The following SPAG16 variants were observed in gnomAD, a reference collection of about 807,000 sequenced individuals.
SPAG16 encodes the protein sperm associated antigen 16.
In SPAG16, 86 loss-of-function variants were observed where a neutral mutation model predicts 80.4. The ratio of observed to expected loss-of-function variants is 1.07; its 90% confidence interval spans 0.90 to 1.28. The LOEUF (loss-of-function observed/expected upper bound fraction) is 1.28. Ranked by LOEUF, SPAG16 falls within the 50% of genes most tolerant of loss-of-function variation. SPAG16 has a pLI of 0.00. For missense variants in SPAG16, 870 were observed against 765.3 expected (o/e 1.14, Z -1.61); for synonymous variants, 294 against 265.9 (o/e 1.11, Z -1.03).
chr2:214,089,526 G>T (rs987172709), intron 13 of SPAG16, among the ~76,000 whole-genome samples: 1 of 151,936 alleles, frequency 6.6e-6, no homozygotes, highest in Non-Finnish European at 1.5e-5. Context: ...TTTCTCTACA[G>T]TGTTTCTAAG....
chr2:214,276,486 C>T (rs1296167227), intron 15 of SPAG16, among the ~76,000 whole-genome samples: 3 of 152,146 alleles, frequency 2.0e-5, no homozygotes, highest in Non-Finnish European at 4.4e-5. Flanking sequence ...TTAAGGCAGG[C>T]CTGGTGGTGA....
chr2:213,702,445 T>A (rs1292584407), intron 10 of SPAG16, among the ~76,000 whole-genome samples: 1 of 152,194 alleles, frequency 6.6e-6, no homozygotes, highest in Non-Finnish European at 1.5e-5. Context: ...CACCTTCACT[T>A]CTGAGGCCAG....
At chr2:213,929,930 C>T (rs762326075) in intron 11 of SPAG16, 30 bp from the exon 12 acceptor site, 1 of 1,588,746 alleles carries the variant, frequency 6.3e-7, no homozygotes, top group African/African-American at 1.4e-5. Context: ...ACTTTTTAAA[C>T]AAGCTGTCTT....
chr2:213,801,530 C>A (rs1298480993), intron 10 of SPAG16, among the ~76,000 whole-genome samples: 2 of 152,190 alleles, frequency 1.3e-5, no homozygotes, highest in East Asian at 3.8e-4. Flanking sequence ...CACAATGAGG[C>A]ACAGATCTTT....
chr2:213,426,628 T>C (rs1011340571), intron 9 of SPAG16, among the ~76,000 whole-genome samples: 1 of 152,022 alleles, frequency 6.6e-6, no homozygotes, highest in African/African-American at 2.4e-5. Context: ...GTTTTAATTC[T>C]TATTTTTGCT....
intron 15 of SPAG16, among the ~76,000 whole-genome samples, chr2:214,355,881 G>T (rs1297428405): frequency 6.6e-6 from 1 of 151,036 alleles, no homozygotes; most frequent in African/African-American, 2.4e-5. Context: ...TAGGGACATG[G>T]ATGAAATTGG....
At chr2:213,501,666 A>C (rs1190334527) in intron 10 of SPAG16, among the ~76,000 whole-genome samples, 1 of 152,158 alleles carries the variant, frequency 6.6e-6, no homozygotes, top group Non-Finnish European at 1.5e-5. Flanking sequence ...TTTGTGCAAA[A>C]TGTTGTAGTA....
chr2:214,401,612 G>A (rs182746209), intron 15 of SPAG16, among the ~76,000 whole-genome samples: 14 of 152,002 alleles, frequency 9.2e-5, no homozygotes, highest in African/African-American at 1.9e-4. Context: ...AATGAGAAAC[G>A]TAATGATGTA....
At chr2:213,942,595 T>C (rs1461852808) in intron 12 of SPAG16, among the ~76,000 whole-genome samples, 2 of 152,200 alleles carry the variant, frequency 1.3e-5, no homozygotes, top group Non-Finnish European at 1.5e-5. Flanking sequence ...GTTTGAAGCT[T>C]CAGTTGGGAC....
At chr2:214,143,396 G>A (rs559971588) in intron 14 of SPAG16, among the ~76,000 whole-genome samples, 2 of 151,222 alleles carry the variant, frequency 1.3e-5, no homozygotes, top group South Asian at 2.1e-4. Context: ...TCTTGACCAG[G>A]GTCCTTCCAT....
At chr2:213,784,552 T>G (rs2070208123) in intron 10 of SPAG16, among the ~76,000 whole-genome samples, 1 of 131,214 alleles carries the variant, frequency 7.6e-6, no homozygotes, top group Non-Finnish European at 1.6e-5. Flanking sequence ...TTACTTACGA[T>G]AAAATTGTAT....
chr2:213,392,827 T>G (rs1467794846), intron 9 of SPAG16, among the ~76,000 whole-genome samples: 1 of 151,382 alleles, frequency 6.6e-6, no homozygotes, highest in East Asian at 1.9e-4. Context: ...TCCTGGGTGA[T>G]GGAGCGAGAC....
chr2:213,418,192 A>G (rs1336965354), intron 9 of SPAG16, among the ~76,000 whole-genome samples: 1 of 152,166 alleles, frequency 6.6e-6, no homozygotes, highest in Non-Finnish European at 1.5e-5. Flanking sequence ...ATACTATTAA[A>G]CATGTATACA....
chr2:213,579,019 C>T (rs2060217028), intron 10 of SPAG16, among the ~76,000 whole-genome samples: 1 of 152,074 alleles, frequency 6.6e-6, no homozygotes, highest in Admixed American at 6.6e-5. Context: ...TAAGATAATA[C>T]AGTAGCCGAA....
chr2:214,017,853 A>G (rs6754414), intron 13 of SPAG16, among the ~76,000 whole-genome samples: 18,534 of 152,184 alleles, frequency 0.12, 1,575 homozygotes, highest in African/African-American at 0.25. Context: ...TACAATTATT[A>G]TTGCTATTTT....
At chr2:213,818,750 G>C (rs2072734847) in intron 10 of SPAG16, among the ~76,000 whole-genome samples, 1 of 152,106 alleles carries the variant, frequency 6.6e-6, no homozygotes, top group Non-Finnish European at 1.5e-5. Flanking sequence ...TTGTACCATG[G>C]GGGTGGTTTT....
intron 15 of SPAG16, among the ~76,000 whole-genome samples, chr2:214,251,653 G>C (rs556605209): frequency 6.6e-6 from 1 of 152,028 alleles, no homozygotes; most frequent in East Asian, 1.9e-4. Flanking sequence ...TCTCATTTAC[G>C]TATTTCAAGA....
intron 10 of SPAG16, among the ~76,000 whole-genome samples, chr2:213,613,100 AT>A (rs2061490495): frequency 6.6e-6 from 1 of 151,982 alleles, no homozygotes; most frequent in South Asian, 2.1e-4. Flanking sequence ...ACTTCTCACC[AT>A]TTTCATTTTT....
chr2:214,177,735 T>C (rs2057139855), intron 15 of SPAG16, among the ~76,000 whole-genome samples: 1 of 150,046 alleles, frequency 6.7e-6, no homozygotes, highest in Non-Finnish European at 1.5e-5. Flanking sequence ...TTGCTGAGTA[T>C]TTATAGTACC....
Sources: allele counts gnomAD v4.1 joint callset (sites outside exome capture counted in the v4.1 genomes callset), GRCh38; gene constraint gnomAD v4.1.1; transcripts MANE v1.5; gene names NCBI Gene and HGNC (gene_info 2026-07-23, HGNC 2026-07-21).